The following VPS53 variants were observed in gnomAD, a reference collection of about 807,000 sequenced individuals.
VPS53 encodes VPS53 subunit of GARP complex.
Under a neutral mutation model 107.0 loss-of-function variants are expected in VPS53, and 70 were observed. The observed-to-expected ratio is 0.65, with a 90% CI of 0.54 to 0.80. The LOEUF (loss-of-function observed/expected upper bound fraction) is 0.80, where lower values mean the gene tolerates loss of function less well. VPS53 is among the 30% of genes least tolerant of loss of function. The pLI, the probability that VPS53 is intolerant of heterozygous loss-of-function variation, is 0.00. For missense variants in VPS53, 917 were observed against 1,049.4 expected (o/e 0.87, Z 1.74); for synonymous variants, 409 against 393.3 (o/e 1.04, Z -0.47).
chr17:608,920 C>T (rs936825278), intron 11 of VPS53, among the ~76,000 whole-genome samples: 2 of 151,068 alleles, frequency 1.3e-5, no homozygotes, highest in Non-Finnish European at 3.0e-5. Flanking sequence ...GCCCACTGCT[C>T]ATTTTTTTTT....
chr17:628,213 T>C lies in VPS53; in HGVS notation c.706A>G (p.Asn236Asp). 2 of 1,613,902 alleles carry C rather than the reference T, an allele frequency of 1.2e-6. No homozygotes were observed. Among genetic ancestry groups the C allele is most frequent in the South Asian group, 2.2e-5 (2 of 90,968 alleles). Residue 236 changes from asparagine (N) to aspartate (D), a missense_variant, in exon 9 of 22, where the codon AAT becomes GAT. Transcript: ENST00000437048. ...ACCAGACATGCATCTCGTAGAACATTGCTGGGTCCTCCTGGTCTCTAGTAA... is the reference window on the plus strand; with the variant it reads ...ACCAGACATGCATCTCGTAGAACATCGCTGGGTCCTCCTGGTCTCTAGTAA... Reference protein sequence around the residue: ...QGTKRPGGPSNVLRDACLVAN... With the variant: ...QGTKRPGGPSDVLRDACLVAN...
intron 19 of VPS53, among the ~76,000 whole-genome samples, chr17:522,224 C>G (rs1294771574): frequency 6.6e-6 from 1 of 152,198 alleles, no homozygotes; most frequent in Non-Finnish European, 1.5e-5. Flanking sequence ...CACTGTAACT[C>G]TCCAGCCTGG....
chr17:573,897 C>T lies in VPS53; in HGVS notation c.1314-11152G>A, dbSNP rs150187922. On this transcript the variant is annotated intron_variant, in intron 13 of 21. Coordinates refer to ENST00000437048, the MANE Select transcript of VPS53 (RefSeq NM_001128159.3). ...GTAATGTGCACAAAACCAGTCCCCA[C>T]CTGAGTTCCTTCTCCAGCCTCAGGA... Among the ~76,000 whole-genome samples, 24 of 152,298 alleles carry T rather than the reference C, an allele frequency of 1.6e-4. No individual in the cohort carries two copies. The East Asian group carries it at 4.2e-3, about 27-fold the overall frequency.
intron 19 of VPS53, among the ~76,000 whole-genome samples, chr17:529,299 C>T (rs1330141834): frequency 1.3e-5 from 2 of 152,226 alleles, no homozygotes; most frequent in Non-Finnish European, 2.9e-5. Context: ...ATATCCTGAG[C>T]TTTAACTCCT....
At chr17:672,642 T>G (rs1187613482) in intron 4 of VPS53, among the ~76,000 whole-genome samples, 1 of 152,094 alleles carries the variant, frequency 6.6e-6, no homozygotes, top group Non-Finnish European at 1.5e-5. Flanking sequence ...TGAGACATTC[T>G]CCAGAAAAAA....
At chr17:676,378 T>C (rs1345860425) in intron 4 of VPS53, 1 of 152,240 alleles carries the variant, frequency 6.6e-6, no homozygotes, top group Non-Finnish European at 1.5e-5. Flanking sequence ...CTTTGCTCTG[T>C]TGGCAGTAAT....
At chr17:601,752 G>A (rs772024728) in intron 12 of VPS53, 43 bp downstream of exon 12, 10 of 1,463,542 alleles carry the variant, frequency 6.8e-6, no homozygotes, top group Non-Finnish European at 9.3e-6. Flanking sequence ...TTTCAGAAAC[G>A]CACATTGGGT....
At chr17:551,257 C>T (rs137943832) in intron 17 of VPS53, among the ~76,000 whole-genome samples, 65 of 151,930 alleles carry the variant, frequency 4.3e-4, no homozygotes, top group African/African-American at 1.3e-3. Flanking sequence ...CATGAGGTAG[C>T]GCTCAGTAAT....
At chr17:675,815 A>G (rs1347124942) in intron 4 of VPS53, 2 of 150,950 alleles carry the variant, frequency 1.3e-5, no homozygotes, top group African/African-American at 4.9e-5. Flanking sequence ...GTATATCTCC[A>G]GAAGAAATGC....
At chr17:564,833 T>C (rs550682246) in intron 13 of VPS53, among the ~76,000 whole-genome samples, 1 of 152,290 alleles carries the variant, frequency 6.6e-6, no homozygotes, top group South Asian at 2.1e-4. Context: ...ATCCCTGTAA[T>C]TGTTCCGTTG....
intron 7 of VPS53, among the ~76,000 whole-genome samples, chr17:645,454 T>C (rs981625439): frequency 6.6e-6 from 1 of 152,230 alleles, no homozygotes; most frequent in East Asian, 1.9e-4. Flanking sequence ...ATTCTGTGCA[T>C]TGCCATTTTA....
At chr17:712,177 CT>C (rs35522489) in intron 1 of VPS53, among the ~76,000 whole-genome samples, 26,424 of 98,236 alleles carry the variant, frequency 0.27, 3,071 homozygotes, top group East Asian at 0.5. Flanking sequence ...TGACTTTCGC[CT>C]TTTTTTTTTT....
intron 4 of VPS53, among the ~76,000 whole-genome samples, chr17:679,738 T>G (rs1972316732): frequency 6.6e-6 from 1 of 152,176 alleles, no homozygotes; most frequent in African/African-American, 2.4e-5. Context: ...GTCAATTGTT[T>G]CAAAGACTTC....
chr17:510,834 G>A lies in VPS53; in HGVS notation c.*8294C>T, dbSNP rs898739325. On this transcript the variant is annotated 3_prime_UTR_variant, in exon 22 of 22. Coordinates refer to ENST00000437048, the MANE Select transcript of VPS53 (RefSeq NM_001128159.3). ...TCCACTCCCCTCAGCACCCTCCTCT[G>A]GCCTCCGAGCTAGCCAGCTGCTGAT... The A allele has an allele frequency of 1.3e-5, 2 of 152,664 alleles. No homozygotes were observed. The highest frequency in any genetic ancestry group is 4.8e-5 in the African/African-American group (2 of 41,452). 9.5% of individuals were successfully genotyped at this position (152,664 alleles called of 1,614,324 possible). A position where few individuals can be genotyped will look rare whatever the true frequency, so the allele number is the denominator to read the frequency against.
chr17:566,497 A>T (rs1252131546), intron 13 of VPS53, among the ~76,000 whole-genome samples: 1 of 152,104 alleles, frequency 6.6e-6, no homozygotes, highest in Non-Finnish European at 1.5e-5. Flanking sequence ...AGTGGAGTGA[A>T]GCTTCATGCT....
At chr17:622,959 T>C (rs1969532934) in intron 11 of VPS53, among the ~76,000 whole-genome samples, 1 of 151,996 alleles carries the variant, frequency 6.6e-6, no homozygotes, top group Non-Finnish European at 1.5e-5. Flanking sequence ...AGTGCTGGGA[T>C]TATACAGGTG....
At chr17:570,675 A>C (rs1174715829) in intron 13 of VPS53, among the ~76,000 whole-genome samples, 1 of 152,142 alleles carries the variant, frequency 6.6e-6, no homozygotes, top group East Asian at 1.9e-4. Context: ...TTAAACAAAC[A>C]AACAACCTGC....
intron 13 of VPS53, among the ~76,000 whole-genome samples, chr17:583,485 G>A (rs762713935): frequency 9.4e-5 from 14 of 149,722 alleles, no homozygotes; most frequent in African/African-American, 2.7e-4. Flanking sequence ...GACCTAATGC[G>A]TTCCCAGAGA....
chr17:648,540 G>T (rs1039330631), intron 7 of VPS53, among the ~76,000 whole-genome samples: 1 of 152,308 alleles, frequency 6.6e-6, no homozygotes, highest in Non-Finnish European at 1.5e-5. Flanking sequence ...GATGGAGTGA[G>T]ACTTGGTCTC....
Sources: gnomAD v4.1 joint callset for allele counts (sites outside exome capture counted in the v4.1 genomes callset) on GRCh38, gnomAD v4.1.1 for gene constraint, MANE v1.5 for transcripts, NCBI Gene and HGNC (gene_info 2026-07-23, HGNC 2026-07-21) for gene names.